The following IL21R variants were observed in gnomAD, a reference collection of about 807,000 sequenced individuals.
IL21R encodes the protein interleukin-21 receptor.
In IL21R, 14 loss-of-function variants were observed where a neutral mutation model predicts 41.3. The ratio of observed to expected loss-of-function variants is 0.34; its 90% confidence interval spans 0.22 to 0.53. IL21R has a LOEUF of 0.53. Among genes scored for constraint, IL21R ranks in the 20% least tolerant of loss-of-function variants. The pLI is 0.94. For missense variants in IL21R, 588 were observed against 681.6 expected (o/e 0.86, Z 1.53); for synonymous variants, 286 against 287.6 (o/e 0.99, Z 0.05).
intron 1 of IL21R, among the ~76,000 whole-genome samples, chr16:27,409,854 C>T (rs1400563794): frequency 6.6e-6 from 1 of 152,174 alleles, no homozygotes; most frequent in African/African-American, 2.4e-5. Context: ...TCAATTTCCA[C>T]CAAAGAAAAT....
At chr16:27,445,833 T>G (rs921304436) in intron 7 of IL21R, among the ~76,000 whole-genome samples, 174 bp from the exon 8 acceptor site, 1 of 152,142 alleles carries the variant, frequency 6.6e-6, no homozygotes, top group African/African-American at 2.4e-5. Flanking sequence ...GAGGGAGACT[T>G]ACTTCTCCCA....
At chr16:27,419,835 TTATTATTA>T (rs1178152634) in intron 1 of IL21R, among the ~76,000 whole-genome samples, 1 of 150,272 alleles carries the variant, frequency 6.7e-6, no homozygotes, top group African/African-American at 2.5e-5. Flanking sequence ...ATTATTATTA[TTATTATTA>T]TTATTATTAT....
intron 1 of IL21R, among the ~76,000 whole-genome samples, chr16:27,412,648 G>T (rs2086839393): frequency 6.6e-6 from 1 of 151,908 alleles, no homozygotes; most frequent in African/African-American, 2.4e-5. Context: ...ACTTATCTGT[G>T]TTCTTTAATT....
rs764692319 is a variant in IL21R at position 27,449,083 on chromosome 16, G to A, written c.1417G>A (p.Val473Ile). 2 of 1,613,370 alleles carry A rather than the reference G, an allele frequency of 1.2e-6. No individual in the cohort carries two copies. Among genetic ancestry groups the A allele is most frequent in the South Asian group, 2.2e-5 (2 of 91,070 alleles). ...CTGGGGTGGCCGGTCACCTGGAGGGGTCTCAGAGAGTGAGGCGGGCTCACC... is the reference window on the plus strand; with the variant it reads ...CTGGGGTGGCCGGTCACCTGGAGGGATCTCAGAGAGTGAGGCGGGCTCACC... ...LPWGGRSPGG[V>I]SESEAGSPLA... is the part of the protein sequence containing the mutation. Residue 473 changes from valine (V) to isoleucine (I), a missense_variant, in exon 9 of 9, where the codon GTC becomes ATC. Val to Ile is a conservative substitution (Grantham distance 29, BLOSUM62 3). Coordinates refer to ENST00000337929, the MANE Select transcript of IL21R (RefSeq NM_181078.3).
At chr16:27,435,317 T>C (rs2087248675) in intron 3 of IL21R, among the ~76,000 whole-genome samples, 1 of 152,156 alleles carries the variant, frequency 6.6e-6, no homozygotes, top group Admixed American at 6.5e-5. Context: ...TTGCAGGCAC[T>C]GGGGATTCAG....
intron 1 of IL21R, among the ~76,000 whole-genome samples, chr16:27,425,143 C>G (rs1057223757): frequency 6.6e-6 from 1 of 152,194 alleles, no homozygotes; most frequent in Non-Finnish European, 1.5e-5. Flanking sequence ...AATATCCAAA[C>G]CATATCAAGG....
intron 4 of IL21R, 191 bp from the exon 5 acceptor site, chr16:27,442,771 G>T: frequency 2.0e-6 from 1 of 502,194 alleles, no homozygotes. Flanking sequence ...GGTCCCAGAT[G>T]AATAAACTGA....
chr16:27,420,371 T>G (rs2086980074), intron 1 of IL21R, among the ~76,000 whole-genome samples: 1 of 152,232 alleles, frequency 6.6e-6, no homozygotes, highest in Non-Finnish European at 1.5e-5. Flanking sequence ...TGAAATATCA[T>G]TATGCAGCAC....
chr16:27,446,613 A>G (rs1199716860), intron 8 of IL21R, among the ~76,000 whole-genome samples: 1 of 152,084 alleles, frequency 6.6e-6, no homozygotes, highest in Non-Finnish European at 1.5e-5. Flanking sequence ...TCAAAAAGAA[A>G]AAGTAAACAA....
chr16:27,408,922 G>A (rs1001272768), intron 1 of IL21R, among the ~76,000 whole-genome samples: 3 of 152,170 alleles, frequency 2.0e-5, no homozygotes, highest in African/African-American at 7.2e-5. Context: ...TCTTTCCAGT[G>A]TGGGGAGGTT....
At chr16:27,417,055 G>A (rs1410819110) in intron 1 of IL21R, among the ~76,000 whole-genome samples, 1 of 151,590 alleles carries the variant, frequency 6.6e-6, no homozygotes, top group African/African-American at 2.4e-5. Flanking sequence ...CAGTTTTTTG[G>A]TATTATGAAT....
At chr16:27,434,472 TC>T in intron 3 of IL21R, 23 bp downstream of exon 3, 2 of 1,479,938 alleles carry the variant, frequency 1.4e-6, no homozygotes. Flanking sequence ...GCCTCACCAG[TC>T]CCCGGGGATG....
rs1173006394 is a variant in IL21R at position 27,430,102 on chromosome 16, C to T, written c.31C>T (p.Leu11=). MPRGWAAPLL[L]LLLQGGWGCP... ...GCGTGGCTGGGCCGCCCCCTTGCTC[C>T]TGCTGCTGCTCCAGGGAGGTAAGTG... Residue 11 remains leucine, a synonymous_variant, in exon 2 of 9, where the codon CTG becomes TTG. Transcript: ENST00000337929. 1 of 1,605,030 alleles carries T rather than the reference C, an allele frequency of 6.2e-7. No individual in the cohort carries two copies.
chr16:27,442,513 G>A (rs1043131618), intron 4 of IL21R, among the ~76,000 whole-genome samples: 1 of 152,150 alleles, frequency 6.6e-6, no homozygotes, highest in African/African-American at 2.4e-5. Flanking sequence ...ACAGGCGCCC[G>A]CCACCACGCC....
At chr16:27,423,191 C>T (rs2087023370) in intron 1 of IL21R, among the ~76,000 whole-genome samples, 1 of 151,436 alleles carries the variant, frequency 6.6e-6, no homozygotes. Context: ...ATGCATTTTT[C>T]CTCTCTTAAG....
At chr16:27,439,241 T>C (rs1425206663) in intron 4 of IL21R, among the ~76,000 whole-genome samples, 5 of 151,878 alleles carry the variant, frequency 3.3e-5, no homozygotes, top group African/African-American at 7.3e-5. Flanking sequence ...CACAGACTCA[T>C]AGATGCGCCC....
At chr16:27,428,007 C>T (rs1401503547) in intron 1 of IL21R, among the ~76,000 whole-genome samples, 1 of 152,184 alleles carries the variant, frequency 6.6e-6, no homozygotes, top group Non-Finnish European at 1.5e-5. Flanking sequence ...AAATAAACAA[C>T]AGTGCACACA....
chr16:27,440,642 T>C (rs1362036499), intron 4 of IL21R, among the ~76,000 whole-genome samples: 1 of 152,206 alleles, frequency 6.6e-6, no homozygotes, highest in Non-Finnish European at 1.5e-5. Context: ...GGGCACAGAC[T>C]GAACCTGGAG....
intron 4 of IL21R, among the ~76,000 whole-genome samples, chr16:27,440,240 T>TAGAGAG (rs1466692820): frequency 6.8e-4 from 60 of 88,698 alleles, no homozygotes; most frequent in African/African-American, 3.0e-3. Context: ...TATATATATA[T>TAGAGAG]ATATATATAG....
Sources: allele counts gnomAD v4.1 joint callset (sites outside exome capture counted in the v4.1 genomes callset), GRCh38; gene constraint gnomAD v4.1.1; transcripts MANE v1.5; gene names NCBI Gene and HGNC (gene_info 2026-07-23, HGNC 2026-07-21).